Variants in BICC1 observed in about 807,000 individuals in gnomAD.
BICC1 encodes protein bicaudal C homolog 1.
In BICC1, 43 loss-of-function variants were observed where a neutral mutation model predicts 111.0. The ratio of observed to expected loss-of-function variants is 0.39; its 90% CI spans 0.30 to 0.50. The LOEUF (loss-of-function observed/expected upper bound fraction) is 0.50. BICC1 is among the 20% of genes least tolerant of loss of function. The pLI is 0.88. For missense variants in BICC1, 1,091 were observed against 1,203.2 expected (o/e 0.91, Z 1.38); for synonymous variants, 467 against 434.4 (o/e 1.07, Z -0.93).
chr10:58,819,330 C>T (rs529021646), intron 19 of BICC1, among the ~76,000 whole-genome samples: 1 of 152,220 alleles, frequency 6.6e-6, no homozygotes, highest in Non-Finnish European at 1.5e-5. Flanking sequence ...TTTCTAAGAC[C>T]TGGATGTACC....
chr10:58,642,699 A>G (rs1329450491), intron 2 of BICC1, among the ~76,000 whole-genome samples: 3 of 6,326 alleles, frequency 4.7e-4, no homozygotes, highest in African/African-American at 1.1e-3. Flanking sequence ...TATTATTATT[A>G]TTATTATTAT....
intron 18 of BICC1, 113 bp from the exon 19 acceptor site, chr10:58,817,449 C>T: frequency 8.9e-7 from 1 of 1,125,052 alleles, no homozygotes; most frequent in South Asian, 1.3e-5. Context: ...ACAGCTACTG[C>T]CCTATTCAGC....
chr10:58,716,315 T>C, intron 3 of BICC1: 1 of 1,455,568 alleles, frequency 6.9e-7, no homozygotes, highest in African/African-American at 1.4e-5. Flanking sequence ...GATTCCCTTA[T>C]AAAGAAAGTG....
At chr10:58,786,022 G>T (rs1843002061) in intron 4 of BICC1, among the ~76,000 whole-genome samples, 1 of 152,086 alleles carries the variant, frequency 6.6e-6, no homozygotes, top group Non-Finnish European at 1.5e-5. Flanking sequence ...TGTTTTAAAG[G>T]TTAAACTGAA....
intron 1 of BICC1, among the ~76,000 whole-genome samples, chr10:58,579,434 C>T (rs138345216): frequency 3.3e-5 from 5 of 152,262 alleles, no homozygotes; most frequent in African/African-American, 1.2e-4. Context: ...GGCTTGTGTG[C>T]GTGCAGGCAT....
intron 2 of BICC1, among the ~76,000 whole-genome samples, chr10:58,646,830 G>A (rs960362730): frequency 4.6e-5 from 7 of 152,004 alleles, no homozygotes; most frequent in Non-Finnish European, 8.8e-5. Context: ...ATTTTAGGGG[G>A]TTGACATGCT....
chr10:58,598,283 C>A (rs373123498), intron 1 of BICC1, among the ~76,000 whole-genome samples: 31 of 152,150 alleles, frequency 2.0e-4, no homozygotes, highest in Admixed American at 1.0e-3. Flanking sequence ...GTAACTGAAA[C>A]AGCATGTTAC....
intron 2 of BICC1, among the ~76,000 whole-genome samples, chr10:58,632,328 C>T (rs543850332): frequency 2.6e-5 from 4 of 152,278 alleles, no homozygotes; most frequent in South Asian, 4.1e-4. Context: ...GGACGCCATT[C>T]ATGAGACATT....
rs1431461501 is a variant in BICC1, at chr10:58,793,952, T to C, written c.1179+337T>C. Among the ~76,000 whole-genome samples, 4 of 152,176 alleles carry C rather than the reference T, an allele frequency of 2.6e-5. No individual in the cohort carries two copies. The East Asian group carries it at 7.7e-4, about 29-fold the overall frequency. On this transcript the variant is annotated intron_variant, in intron 9 of 20. Transcript: ENST00000373886. The stretch of plus-strand genomic sequence containing the variant: ...CTCAACTTGTATAATATATATGTCA[T>C]TATATATTTAGTTATCTAATATAAA...
chr10:58,576,822 G>A (rs1378700595), intron 1 of BICC1, among the ~76,000 whole-genome samples: 4 of 152,126 alleles, frequency 2.6e-5, no homozygotes, highest in Non-Finnish European at 5.9e-5. Context: ...CTTGCTTGAG[G>A]GGGACAAAAT....
chr10:58,603,438 T>G (rs1183210376), intron 1 of BICC1, among the ~76,000 whole-genome samples: 1 of 152,132 alleles, frequency 6.6e-6, no homozygotes, highest in African/African-American at 2.4e-5. Context: ...CCAGAAAGAT[T>G]AAAATTCAGT....
At chr10:58,576,028 T>C (rs937486468) in intron 1 of BICC1, among the ~76,000 whole-genome samples, 1 of 152,204 alleles carries the variant, frequency 6.6e-6, no homozygotes, top group African/African-American at 2.4e-5. Flanking sequence ...TTGAGGACAG[T>C]TGTTTTATTT....
At chr10:58,685,074 T>C (rs533689081) in intron 2 of BICC1, among the ~76,000 whole-genome samples, 3 of 152,358 alleles carry the variant, frequency 2.0e-5, no homozygotes, top group African/African-American at 7.2e-5. Context: ...GTTGTGTCTT[T>C]GTTCTCATTG....
chr10:58,624,123 G>A (rs1307569537), intron 2 of BICC1, among the ~76,000 whole-genome samples: 2 of 152,052 alleles, frequency 1.3e-5, no homozygotes, highest in South Asian at 2.1e-4. Context: ...GTGATCTTTG[G>A]TGTTCCTTGG....
chr10:58,669,718 CT>C (rs2132318372), intron 2 of BICC1, among the ~76,000 whole-genome samples: 1 of 152,180 alleles, frequency 6.6e-6, no homozygotes, highest in South Asian at 2.1e-4. Flanking sequence ...AACAGAATCC[CT>C]TAAAACGTTA....
chr10:58,584,688 C>T (rs1844381093), intron 1 of BICC1, among the ~76,000 whole-genome samples: 1 of 151,960 alleles, frequency 6.6e-6, no homozygotes, highest in African/African-American at 2.4e-5. Flanking sequence ...TCCAGTTTGT[C>T]CAACACTGAA....
At chr10:58,718,032 C>T in intron 3 of BICC1, among the ~76,000 whole-genome samples, 1 of 152,186 alleles carries the variant, frequency 6.6e-6, no homozygotes, top group Non-Finnish European at 1.5e-5. Context: ...GTTTGTGGAA[C>T]ACTTATTTAT....
intron 3 of BICC1, among the ~76,000 whole-genome samples, chr10:58,745,298 A>C (rs574405372): frequency 7.2e-5 from 11 of 152,224 alleles, no homozygotes; most frequent in Admixed American, 3.3e-4. Flanking sequence ...GTGACATTGG[A>C]CAAGTTAATA....
intron 1 of BICC1, among the ~76,000 whole-genome samples, chr10:58,569,299 T>C (rs1180416941): frequency 3.3e-5 from 5 of 152,188 alleles, no homozygotes; most frequent in African/African-American, 7.2e-5. Context: ...CTTTAAATTA[T>C]ACAGTGTTGC....
Sources: allele counts gnomAD v4.1 joint callset (sites outside exome capture counted in the v4.1 genomes callset), GRCh38; gene constraint gnomAD v4.1.1; transcripts MANE v1.5; gene names NCBI Gene and HGNC (gene_info 2026-07-23, HGNC 2026-07-21).